ZMYND8: variants seen among roughly 807,000 people sequenced by gnomAD.
ZMYND8 encodes the protein MYND-type zinc finger-containing chromatin reader ZMYND8.
Under a neutral mutation model 140.8 loss-of-function variants are expected in ZMYND8, and 37 were observed. That is an observed-to-expected ratio of 0.26 (90% CI 0.20 to 0.35). The LOEUF is 0.35. ZMYND8 is among the 10% of genes least tolerant of loss of function. ZMYND8 has a pLI of 1.00. For synonymous variants in ZMYND8, 592 were observed against 597.1 expected, an observed-to-expected ratio of 0.99 and a Z score of 0.12; for missense variants, 1,068 against 1,570.0, an observed-to-expected ratio of 0.68 and a Z score of 5.40.
chr20:47,255,740 A>ATATATATATATATATATATATATACGGGG, intron 12 of ZMYND8, among the ~76,000 whole-genome samples: 1 of 34,874 alleles, frequency 2.9e-5, no homozygotes, highest in South Asian at 9.9e-4. Context: ...ATATATATAT[A>ATATATATATATATATATATATATACGGGG]TATATATATA....
At chr20:47,346,832 G>A (rs1471294772) in intron 2 of ZMYND8, among the ~76,000 whole-genome samples, 2 of 152,126 alleles carry the variant, frequency 1.3e-5, no homozygotes, top group Non-Finnish European at 2.9e-5. Context: ...GGTCTCGAAC[G>A]CCTGACCTCG....
intron 12 of ZMYND8, among the ~76,000 whole-genome samples, chr20:47,255,745 TATATA>T (rs1279816232): frequency 9.1e-5 from 5 of 54,948 alleles, no homozygotes; most frequent in Admixed American, 1.7e-4. Flanking sequence ...TATATATATA[TATATA>T]TATATATATA....
chr20:47,231,014 A>G (rs1242730889), intron 16 of ZMYND8, among the ~76,000 whole-genome samples: 2 of 152,046 alleles, frequency 1.3e-5, no homozygotes, highest in South Asian at 2.1e-4. Context: ...TTTATAGTCC[A>G]TTTTACAGAT....
chr20:47,316,446 C>T (rs7265861), intron 2 of ZMYND8, among the ~76,000 whole-genome samples: 14,339 of 151,984 alleles, frequency 0.094, 2,220 homozygotes, highest in African/African-American at 0.32. Context: ...TAAGGGGCAT[C>T]TTAATTCAAG....
At chr20:47,224,919 CT>C (rs59487652) in intron 18 of ZMYND8, among the ~76,000 whole-genome samples, 11,983 of 152,248 alleles carry the variant, frequency 0.079, 769 homozygotes, top group South Asian at 0.18. Flanking sequence ...CTTTTCCCCC[CT>C]ATCAATCAAA....
chr20:47,261,758 G>A (rs536922813), intron 12 of ZMYND8, among the ~76,000 whole-genome samples: 14 of 152,234 alleles, frequency 9.2e-5, no homozygotes, highest in Admixed American at 2.0e-4. Context: ...GACAACTGAG[G>A]TGGAAACACT....
At chr20:47,270,697 GAAAAAAAAA>G (rs34474269) in intron 11 of ZMYND8, among the ~76,000 whole-genome samples, 3 of 86,636 alleles carry the variant, frequency 3.5e-5, no homozygotes, top group Non-Finnish European at 6.3e-5. Flanking sequence ...CCCTGTCTCT[GAAAAAAAAA>G]AAAAAAAAAA....
At position 47,307,987 on chromosome 20, in the gene ZMYND8, G is replaced by A. The variant is rs369158670; in HGVS notation, c.234+2069C>T. On this transcript the variant is annotated intron_variant, in intron 3 of 22. Transcript: ENST00000471951. ...AAAAAAATTAACTGGGCACAGCGGC[G>A]GGCGCCTGTAATCCCAGCTACTCGG... is the stretch of plus-strand genomic sequence containing the variant. Among the ~76,000 whole-genome samples the A allele has an allele frequency of 9.3e-5, 14 of 151,072 alleles. No individual in the cohort carries two copies. In the East Asian group the frequency reaches 1.0e-3, roughly 11 times the overall value.
intron 2 of ZMYND8, among the ~76,000 whole-genome samples, chr20:47,341,148 G>A (rs1350234664): frequency 6.6e-6 from 1 of 152,180 alleles, no homozygotes; most frequent in Non-Finnish European, 1.5e-5. Flanking sequence ...TCAAACGAGA[G>A]AATGAACTCA....
At chr20:47,256,218 G>C (rs2074703685) in intron 12 of ZMYND8, among the ~76,000 whole-genome samples, 1 of 151,594 alleles carries the variant, frequency 6.6e-6, no homozygotes, top group African/African-American at 2.4e-5. Flanking sequence ...GGTGGCTCAT[G>C]CCTGTAATCC....
chr20:47,214,890 C>G (rs1206467763), intron 21 of ZMYND8, among the ~76,000 whole-genome samples: 2 of 152,104 alleles, frequency 1.3e-5, no homozygotes, highest in African/African-American at 4.8e-5. Flanking sequence ...ATGAAGATAC[C>G]ATGATTCTAG....
In ZMYND8 at chr20:47,227,196, G is replaced by T; in HGVS notation, c.3016+7C>A. 6.2e-7 allele frequency: 1 copy of T among 1,614,100 alleles called. No homozygotes were observed. The highest frequency in any genetic ancestry group is 8.5e-7 in the Non-Finnish European group (1 of 1,179,972). On this transcript the variant is annotated splice_region_variant and intron_variant, in intron 18 of 22. Coordinates refer to ENST00000471951, the MANE Select transcript of ZMYND8 (RefSeq NM_001281775.3). ...TCCTCAGTCCAGACCAGTGTGTCAG[G>T]CCTTACCTAAGTTGTGTTTCATTTC...
chr20:47,236,520 G>A lies in ZMYND8; in HGVS notation c.2666-4C>T. 6.4e-7 allele frequency: 1 copy of A among 1,555,308 alleles called. No individual in the cohort carries two copies. The highest frequency in any genetic ancestry group is 8.7e-7 in the Non-Finnish European group (1 of 1,150,266). On this transcript the variant is annotated splice_region_variant and splice_polypyrimidine_tract_variant and intron_variant, in intron 15 of 22. Coordinates refer to ENST00000471951, the MANE Select transcript of ZMYND8 (RefSeq NM_001281775.3). ...GTGATCTCCTTCTGCTGGACAGCTA[G>A]GAAGGCAAAGCATCCTGATTACCCC...
intron 2 of ZMYND8, among the ~76,000 whole-genome samples, chr20:47,331,344 C>A (rs185308932): frequency 1.3e-5 from 2 of 151,996 alleles, no homozygotes; most frequent in Admixed American, 1.3e-4. Context: ...ATTTAGGATA[C>A]GATATTGTAA....
At chr20:47,272,589 A>C (rs1369972073) in intron 11 of ZMYND8, among the ~76,000 whole-genome samples, 1 of 152,186 alleles carries the variant, frequency 6.6e-6, no homozygotes, top group East Asian at 1.9e-4. Flanking sequence ...TCAGAATATT[A>C]ACCACTTAGG....
In ZMYND8 at chr20:47,277,484, C is replaced by CGCT. The variant is rs577136623; in HGVS notation, c.999-692_999-690dup. On this transcript the variant is annotated intron_variant, in intron 10 of 22. Coordinates refer to ENST00000471951, the MANE Select transcript of ZMYND8 (RefSeq NM_001281775.3). ...CCGGGGGAGGTGCAAACACCACAAC[C>CGCT]GCTGCTGCGGGTGACCACGCAGCTG... 9.8e-4 allele frequency among the ~76,000 whole-genome samples: 149 copies of CGCT among 152,288 alleles called. 3 individuals are homozygous for CGCT. The South Asian group carries it at 0.03, about 31-fold the overall frequency.
intron 8 of ZMYND8, 63 bp from the exon 9 acceptor site, chr20:47,283,711 C>G: frequency 6.7e-7 from 1 of 1,501,260 alleles, no homozygotes; most frequent in Non-Finnish European, 9.2e-7. Flanking sequence ...GGACCTCAAT[C>G]AATGCTTGAT....
At chr20:47,266,165 C>T (rs1189962122) in intron 11 of ZMYND8, among the ~76,000 whole-genome samples, 1 of 152,094 alleles carries the variant, frequency 6.6e-6, no homozygotes, top group Non-Finnish European at 1.5e-5. Flanking sequence ...CCTACCTCCC[C>T]AGTGTGTGAA....
intron 2 of ZMYND8, chr20:47,320,878 A>G (rs897652405): frequency 6.6e-6 from 1 of 152,248 alleles, no homozygotes; most frequent in Non-Finnish European, 1.5e-5. Flanking sequence ...ACAGGAACCA[A>G]CATTGATGCC....
Sources: allele counts gnomAD v4.1 joint callset (sites outside exome capture counted in the v4.1 genomes callset), GRCh38; gene constraint gnomAD v4.1.1; transcripts MANE v1.5; gene names NCBI Gene and HGNC (gene_info 2026-07-23, HGNC 2026-07-21).